AREG: variants seen among roughly 807,000 people sequenced by gnomAD.
AREG encodes amphiregulin B.
AREG carries 16 observed loss-of-function variants against 28.0 expected under a neutral mutation model. That is an observed-to-expected ratio of 0.57 (90% confidence interval 0.39 to 0.87). AREG has a LOEUF of 0.87. AREG is among the 40% of genes least tolerant of loss of function. The pLI is 0.00. For synonymous variants in AREG, 113 were observed against 113.5 expected (o/e 1.00, Z 0.02); for missense variants, 287 against 309.1 (o/e 0.93, Z 0.53).
At position 74,445,214 on chromosome 4, in the gene AREG, C is replaced by G. The variant is rs1442990749; in HGVS notation, c.-132C>G. On this transcript the variant is annotated 5_prime_UTR_variant, in exon 1 of 6. Transcript: ENST00000395748. ...GCGCCGCGCCCGCCGCCCCGAGCTC[C>G]CCAAGCCTTCGAGAGCGGCGCACAC... 1 of 1,518,652 alleles carries G rather than the reference C, an allele frequency of 6.6e-7. No homozygotes were observed. The highest frequency in any genetic ancestry group is 2.0e-5 in the Admixed American group (1 of 49,168). The allele number at this position is 1,518,652 out of a possible 1,614,324, so 94.1% of individuals were successfully genotyped here.
intron 2 of AREG, among the ~76,000 whole-genome samples, chr4:74,447,633 A>C (rs1719314848): frequency 6.6e-6 from 1 of 152,230 alleles, no homozygotes; most frequent in South Asian, 2.1e-4. Flanking sequence ...TCCTAAGAGC[A>C]TCCACTACAG....
In AREG at chr4:74,449,106, C is replaced by A; in HGVS notation, c.370C>A (p.Pro124Thr). 1 of 1,610,958 alleles carries A rather than the reference C, an allele frequency of 6.2e-7. No individual in the cohort carries two copies. Among genetic ancestry groups the A allele is most frequent in the East Asian group, 2.2e-5 (1 of 44,732 alleles). Reference sequence around the variant, plus strand: ...GGAAAGTGAAAATACTTCAGATAAACCCAAAAGAAAGAAAAAGGGAGGCAA... The same window carrying A: ...GGAAAGTGAAAATACTTCAGATAAAACCAAAAGAAAGAAAAAGGGAGGCAA... ...KTESENTSDK[P>T]KRKKKGGKNG... The change falls in exon 3 of 6, where the codon CCC becomes ACC. Residue 124 changes from proline to threonine, a missense_variant. By Grantham distance (38) the Pro-to-Thr change is conservative. Transcript: ENST00000395748.
chr4:74,450,529 T>A lies in AREG; in HGVS notation c.662T>A (p.Val221Asp). Residue 221 changes from valine (V) to aspartate (D), a missense_variant, in exon 4 of 6, where the codon GTC becomes GAC. Coordinates refer to ENST00000395748, the MANE Select transcript of AREG (RefSeq NM_001657.4). ...VILTAVAVIT[V>D]QLRRQYVRKY... ...CTCACAGCTGTTGCTGTTATTACAG[T>A]CCAGTAAGTATGACATAACTTACAA... The A allele has an allele frequency of 3.1e-6, 5 of 1,613,778 alleles. No individual in the cohort carries two copies. The highest frequency in any genetic ancestry group is 4.2e-6 in the Non-Finnish European group (5 of 1,179,820).
intron 1 of AREG, among the ~76,000 whole-genome samples, chr4:74,446,084 C>G (rs976729072): frequency 3.0e-5 from 4 of 135,026 alleles, no homozygotes; most frequent in Non-Finnish European, 6.4e-5. Flanking sequence ...ATGAACACAT[C>G]TTTTAAAAAT....
At chr4:74,454,590 TTGGTCTC>T (rs1719429008) in intron 5 of AREG, among the ~76,000 whole-genome samples, 162 bp from the exon 6 acceptor site, 2 of 152,230 alleles carry the variant, frequency 1.3e-5, no homozygotes, top group East Asian at 3.9e-4. Flanking sequence ...GAAGTAAGAG[TTGGTCTC>T]TGAAAAATCT....
Position 74,446,696 on chromosome 4 carries a change from C to A in AREG, c.224C>A (p.Pro75Gln). The change falls in exon 2 of 6, where the codon CCG becomes CAG. Residue 75 changes from proline (P) to glutamine (Q), a missense_variant. Transcript: ENST00000395748. ...PVSEMPSSSE[P>Q]SSGADYDYSE... ...AGTGAAATGCCTTCTAGTAGTGAAC[C>A]GTCCTCGGGAGCCGACTATGACTAC... is the stretch of plus-strand genomic sequence containing the variant. The A allele has an allele frequency of 6.2e-7, 1 of 1,613,902 alleles. No individual in the cohort carries two copies.
At chr4:74,448,759 T>A in intron 2 of AREG, 1 of 345,048 alleles carries the variant, frequency 2.9e-6, no homozygotes, top group East Asian at 4.6e-5. Flanking sequence ...GTTGGAGCAT[T>A]GTAACATAGA....
At chr4:74,451,665 C>T (rs1163249879) in intron 4 of AREG, among the ~76,000 whole-genome samples, 1 of 152,156 alleles carries the variant, frequency 6.6e-6, no homozygotes, top group Admixed American at 6.5e-5. Flanking sequence ...AGGAGACATA[C>T]TCTCAGACAA....
chr4:74,449,273 A>G, intron 3 of AREG, 25 bp downstream of exon 3: 1 of 1,613,414 alleles, frequency 6.2e-7, no homozygotes, highest in Non-Finnish European at 8.5e-7. Context: ...AGCATATAGA[A>G]TTTTGTATTT....
At chr4:74,452,029 GT>G (rs889643397) in intron 4 of AREG, among the ~76,000 whole-genome samples, 29 of 152,062 alleles carry the variant, frequency 1.9e-4, no homozygotes, top group Non-Finnish European at 3.4e-4. Flanking sequence ...ACAACAGGGG[GT>G]TTTTATACAA....
intron 2 of AREG, chr4:74,448,757 A>C (rs915884911): frequency 5.1e-5 from 17 of 331,904 alleles, no homozygotes; most frequent in Non-Finnish European, 8.9e-5. Context: ...GTGTTGGAGC[A>C]TTGTAACATA....
chr4:74,450,527 A>G lies in AREG; in HGVS notation c.660A>G (p.Thr220=), dbSNP rs1031523427. Residue 220 remains threonine, a synonymous_variant, in exon 4 of 6, where the codon ACA becomes ACG. Transcript: ENST00000395748. ...TCCTCACAGCTGTTGCTGTTATTAC[A>G]GTCCAGTAAGTATGACATAACTTAC... ...AVILTAVAVI[T]VQLRRQYVRK... The G allele has an allele frequency of 4.0e-5, 65 of 1,613,766 alleles. No individual in the cohort carries two copies. In the African/African-American group the frequency reaches 8.3e-4, roughly 21 times the overall value.
intron 5 of AREG, among the ~76,000 whole-genome samples, chr4:74,453,412 A>G (rs1719411795): frequency 6.6e-6 from 1 of 152,200 alleles, no homozygotes; most frequent in Non-Finnish European, 1.5e-5. Flanking sequence ...TGTTGTAGGT[A>G]TAAGGTAAAA....
chr4:74,446,350 C>T (rs1248639275), intron 1 of AREG, among the ~76,000 whole-genome samples, 184 bp from the exon 2 acceptor site: 1 of 152,210 alleles, frequency 6.6e-6, no homozygotes, highest in Non-Finnish European at 1.5e-5. Context: ...GTAATTGGGA[C>T]AGCTGAATTT....
chr4:74,446,969 A>G (rs202153998), intron 2 of AREG, among the ~76,000 whole-genome samples, 187 bp downstream of exon 2: 8,360 of 152,276 alleles, frequency 0.055, 472 homozygotes, highest in East Asian at 0.31. Flanking sequence ...CAGAGTGATC[A>G]TAAATGGTGT....
chr4:74,448,533 G>A (rs1183352770), intron 2 of AREG: 6 of 155,446 alleles, frequency 3.9e-5, no homozygotes, highest in Non-Finnish European at 7.1e-5. Context: ...AAAATGCACA[G>A]CACTAACATG....
At chr4:74,448,321 T>A (rs986209890) in intron 2 of AREG, among the ~76,000 whole-genome samples, 105 of 152,364 alleles carry the variant, frequency 6.9e-4, no homozygotes, top group African/African-American at 2.5e-3. Context: ...TATAATAAAC[T>A]GCTAAAATAC....
chr4:74,453,793 T>A (rs1456225858), intron 5 of AREG, among the ~76,000 whole-genome samples: 1 of 152,024 alleles, frequency 6.6e-6, no homozygotes, highest in Non-Finnish European at 1.5e-5. Flanking sequence ...TGGTGGTGAA[T>A]GTCTATAGTC....
At chr4:74,449,907 T>G (rs1184571029) in intron 3 of AREG, among the ~76,000 whole-genome samples, 1 of 50,446 alleles carries the variant, frequency 2.0e-5, no homozygotes, top group Non-Finnish European at 5.0e-5. Flanking sequence ...TCCTGCTTGC[T>G]CTCTCTCTCT....
Sources: gnomAD v4.1 joint callset for allele counts (sites outside exome capture counted in the v4.1 genomes callset) on GRCh38, gnomAD v4.1.1 for gene constraint, MANE v1.5 for transcripts, NCBI Gene and HGNC (gene_info 2026-07-23, HGNC 2026-07-21) for gene names.